UBE2Q1: variants seen among roughly 807,000 people sequenced by gnomAD.
UBE2Q1 encodes the protein ubiquitin-conjugating enzyme E2 Q1.
UBE2Q1 carries 6 observed loss-of-function variants against 60.1 expected under a neutral mutation model. The ratio of observed to expected loss-of-function variants is 0.10; its 90% CI spans 0.05 to 0.20. The LOEUF is 0.20. UBE2Q1 is among the 10% of genes least tolerant of loss of function. UBE2Q1 has a pLI of 1.00. For missense variants in UBE2Q1, 262 were observed against 525.8 expected, an observed-to-expected ratio of 0.50 and a Z score of 4.91; for synonymous variants, 226 against 208.3, an observed-to-expected ratio of 1.09 and a Z score of -0.73.
rs996544511 is a variant in UBE2Q1 at position 154,558,380 on chromosome 1, G to C, written c.174C>G (p.Arg58=). The change falls in exon 1 of 13, where the codon CGC becomes CGG. Residue 58 remains arginine (R), a synonymous_variant. Coordinates refer to ENST00000292211, the MANE Select transcript of UBE2Q1 (RefSeq NM_017582.7). ...LESIFHRGHE[R]FRIASACLDE... ...CCAGGCAGGCGCTGGCAATGCGGAAGCGCTCGTGGCCGCGGTGGAAGATGG... is the reference window on the plus strand; with the variant it reads ...CCAGGCAGGCGCTGGCAATGCGGAACCGCTCGTGGCCGCGGTGGAAGATGG... 5.2e-6 allele frequency: 8 copies of C among 1,540,004 alleles called. No individual in the cohort carries two copies. The East Asian group carries it at 2.0e-4, about 39-fold the overall frequency.
rs1225993830 is a variant in UBE2Q1, at chr1:154,558,498, C to T, written c.56G>A (p.Gly19Glu). 1 of 1,212,094 alleles carries T rather than the reference C, an allele frequency of 8.3e-7. No individual in the cohort carries two copies. The highest frequency in any genetic ancestry group is 3.7e-5 in the East Asian group (1 of 26,882). The allele number at this position is 1,212,094 out of a possible 1,614,324, so 75.1% of individuals were successfully genotyped here. A position where few individuals can be genotyped will look rare whatever the true frequency, so the allele number is the denominator to read the frequency against. Residue 19 changes from glycine (G) to glutamate (E), a missense_variant, in exon 1 of 13, where the codon GGG (glycine) becomes GAG (glutamate). By Grantham distance (98) the Gly-to-Glu change is moderately conservative (BLOSUM62 -2). Around this residue, in one of 5 missense-constraint regions of UBE2Q1, gnomAD observed 70 missense variants for 56.7 expected, o/e 1.24. Coordinates refer to ENST00000292211, the MANE Select transcript of UBE2Q1 (RefSeq NM_017582.7). Reference sequence around the variant, plus strand: ...GGCCCCCGGCGCCGCCCCCTGGCCCCCCAGCTGCTGCCCCGGCCCCGGCTG... The same window carrying T: ...GGCCCCCGGCGCCGCCCCCTGGCCCTCCAGCTGCTGCCCCGGCCCCGGCTG... Reference protein sequence around the residue: ...QQQPGPGQQLGGQGAAPGAGG... With the variant: ...QQQPGPGQQLEGQGAAPGAGG...
chr1:154,550,227 G>T lies in UBE2Q1; in HGVS notation c.*211C>A. On this transcript the variant is annotated 3_prime_UTR_variant, in exon 13 of 13. Coordinates refer to ENST00000292211, the MANE Select transcript of UBE2Q1 (RefSeq NM_017582.7). ...TTCCAGCAAGGTGGTTGGTTGGTCT[G>T]TAAGTCAGTCTTGAGTACTTGAAAC... is the stretch of plus-strand genomic sequence containing the variant. 1.6e-6 allele frequency: 1 copy of T among 640,950 alleles called. No homozygotes were observed. The highest frequency in any genetic ancestry group is 3.1e-5 in the Admixed American group (1 of 32,012). 39.7% of individuals were successfully genotyped at this position (640,950 alleles called of 1,614,324 possible). A position where few individuals can be genotyped will look rare whatever the true frequency, so the allele number is the denominator to read the frequency against.
chr1:154,557,669 G>A (rs1254675430), intron 1 of UBE2Q1, among the ~76,000 whole-genome samples: 1 of 152,212 alleles, frequency 6.6e-6, no homozygotes, highest in Non-Finnish European at 1.5e-5. Context: ...CCAAAGGAGA[G>A]AAGGAAGAGG....
rs1695762058 is a variant in UBE2Q1 at position 154,549,825 on chromosome 1, G to T, written c.*613C>A. ...AGAAATCTAGGGGCAGACCAGGTGT[G>T]TGCTTCAGCTCCAAGTTTCTCTTGC... On this transcript the variant is annotated 3_prime_UTR_variant, in exon 13 of 13. Coordinates refer to ENST00000292211, the MANE Select transcript of UBE2Q1 (RefSeq NM_017582.7). 1 of 152,558 alleles carries T rather than the reference G, an allele frequency of 6.6e-6. No individual in the cohort carries two copies. 9.5% of individuals were successfully genotyped at this position (152,558 alleles called of 1,614,324 possible). A position where few individuals can be genotyped will look rare whatever the true frequency, so the allele number is the denominator to read the frequency against.
rs1361933000 is a variant in UBE2Q1, at chr1:154,558,623, G to A, written c.-70C>T. On this transcript the variant is annotated 5_prime_UTR_variant, in exon 1 of 13. Coordinates refer to ENST00000292211, the MANE Select transcript of UBE2Q1 (RefSeq NM_017582.7). ...GGCCTGCGCTCCGGGCTCCGCCGCC[G>A]CCGCCGCCGCCGCCGCCGCCGCCGC... 5.2e-6 allele frequency: 5 copies of A among 969,764 alleles called. No individual in the cohort carries two copies. The African/African-American group carries it at 8.6e-5, about 17-fold the overall frequency. 60.1% of individuals were successfully genotyped at this position (969,764 alleles called of 1,614,324 possible). A position where few individuals can be genotyped will look rare whatever the true frequency, so the allele number is the denominator to read the frequency against.
chr1:154,550,681 A>G (rs1340711396), intron 12 of UBE2Q1: 10 of 985,384 alleles, frequency 1.0e-5, no homozygotes, highest in Non-Finnish European at 1.1e-5. Context: ...TGGGAGAGTT[A>G]GATGAGCTTT....
At chr1:154,550,860 G>A (rs1571006588) in intron 12 of UBE2Q1, 78 bp downstream of exon 12, 2 of 1,611,808 alleles carry the variant, frequency 1.2e-6, no homozygotes, top group Non-Finnish European at 1.7e-6. Flanking sequence ...AAAAGAAGGG[G>A]TTCTTGCTCT....
Position 154,551,602 on chromosome 1 carries a change from G to GC in UBE2Q1, c.1075-111dup, listed in dbSNP as rs566548979. Reference sequence around the variant, plus strand: ...GTCTATAGGAGGGCCCTTGCCCTTTGCCCCCAGCACTGCCACCACCTGTCT... The same window carrying GC: ...GTCTATAGGAGGGCCCTTGCCCTTTGCCCCCCAGCACTGCCACCACCTGTCT... On this transcript the variant is annotated intron_variant, in intron 10 of 12. Coordinates refer to ENST00000292211, the MANE Select transcript of UBE2Q1 (RefSeq NM_017582.7). 118 of 1,448,910 alleles carry GC rather than the reference G, an allele frequency of 8.1e-5. No individual in the cohort carries two copies. The East Asian group carries it at 2.3e-3, about 29-fold the overall frequency. 89.8% of individuals were successfully genotyped at this position (1,448,910 alleles called of 1,614,324 possible).
chr1:154,552,540 A>G (rs751863612), intron 6 of UBE2Q1, 76 bp from the exon 7 acceptor site: 51 of 1,558,214 alleles, frequency 3.3e-5, no homozygotes, highest in Non-Finnish European at 4.4e-5. Context: ...CCCCTTTCCC[A>G]GACTGAGAGA....
intron 4 of UBE2Q1, 42 bp downstream of exon 4, chr1:154,554,693 G>C: frequency 1.2e-6 from 2 of 1,605,464 alleles, no homozygotes; most frequent in Non-Finnish European, 1.7e-6. Flanking sequence ...GTTGCTGACT[G>C]CAAGAGCTTC....
chr1:154,555,730 C>T (rs1571010562), intron 2 of UBE2Q1, 130 bp downstream of exon 2: 3 of 947,264 alleles, frequency 3.2e-6, no homozygotes, highest in Non-Finnish European at 4.8e-6. Context: ...CAGTAAGCAA[C>T]TCCCCCGAGA....
Position 154,551,824 on chromosome 1 carries a change from A to AT in UBE2Q1, c.1026-6dup. 6.2e-7 allele frequency: 1 copy of AT among 1,614,236 alleles called. No individual in the cohort carries two copies. The highest frequency in any genetic ancestry group is 8.5e-7 in the Non-Finnish European group (1 of 1,180,030). Reference sequence around the variant, plus strand: ...GCCCCTCCGCCCAGAACATACCTGCATGAGAAAGGTTAGTCAGCTGTGCCT... The same window carrying AT: ...GCCCCTCCGCCCAGAACATACCTGCATTGAGAAAGGTTAGTCAGCTGTGCCT... On this transcript the variant is annotated splice_region_variant and splice_polypyrimidine_tract_variant and intron_variant, in intron 9 of 12. Transcript: ENST00000292211.
Position 154,554,716 on chromosome 1 carries a change from C to A in UBE2Q1, c.588+19G>T. The A allele has an allele frequency of 6.2e-7, 1 of 1,612,918 alleles. No individual in the cohort carries two copies. Among genetic ancestry groups the A allele is most frequent in the Non-Finnish European group, 8.5e-7 (1 of 1,179,124 alleles). On this transcript the variant is annotated intron_variant, in intron 4 of 12. Coordinates refer to ENST00000292211, the MANE Select transcript of UBE2Q1 (RefSeq NM_017582.7). Reference sequence around the variant, plus strand: ...CTGCAAGAGCTTCCAGCCAATGCCACCTCAGGGGGCAAGCCTACCTCAGGC... The same window carrying A: ...CTGCAAGAGCTTCCAGCCAATGCCAACTCAGGGGGCAAGCCTACCTCAGGC...
intron 5 of UBE2Q1, 91 bp downstream of exon 5, chr1:154,552,941 G>A: frequency 6.3e-7 from 1 of 1,590,814 alleles, no homozygotes; most frequent in South Asian, 1.1e-5. Flanking sequence ...CAAAAAAGGA[G>A]TCTGCTCTCC....
At chr1:154,551,134 T>A in intron 11 of UBE2Q1, 130 bp from the exon 12 acceptor site, 1 of 1,086,152 alleles carries the variant, frequency 9.2e-7, no homozygotes, top group Non-Finnish European at 1.4e-6. Context: ...AAACACTAAG[T>A]ACCCTCCACC....
Position 154,555,412 on chromosome 1 carries a change from C to A in UBE2Q1, c.537+16G>T. ...CAACTCTGCACAACAGGGCCCGAGG[C>A]TCCTCAGCTGCTCACCTGCTCTGCT... is the stretch of plus-strand genomic sequence containing the variant. On this transcript the variant is annotated intron_variant, in intron 3 of 12. Transcript: ENST00000292211. 6.2e-7 allele frequency: 1 copy of A among 1,611,540 alleles called. No individual in the cohort carries two copies. The highest frequency in any genetic ancestry group is 8.5e-7 in the Non-Finnish European group (1 of 1,177,888).
At chr1:154,554,636 T>C in intron 4 of UBE2Q1, 99 bp downstream of exon 4, 1 of 1,250,948 alleles carries the variant, frequency 8.0e-7, no homozygotes, top group South Asian at 1.4e-5. Flanking sequence ...CCTTTGATAT[T>C]TTTCTCTCTC....
At chr1:154,552,322 G>T in intron 7 of UBE2Q1, 82 bp downstream of exon 7, 1 of 1,596,324 alleles carries the variant, frequency 6.3e-7, no homozygotes. Context: ...ATGCTGGATG[G>T]GGCTGCCCTG....
chr1:154,550,292 C>T lies in UBE2Q1; in HGVS notation c.*146G>A. On this transcript the variant is annotated 3_prime_UTR_variant, in exon 13 of 13. Transcript: ENST00000292211. ...TTTTTTTCCTTAGCGTTTAGAATAG[C>T]CATCATTGTCCTGCAATAGGCAGAG... is the stretch of plus-strand genomic sequence containing the variant. The T allele has an allele frequency of 1.9e-6, 2 of 1,055,762 alleles. No individual in the cohort carries two copies. Among genetic ancestry groups the T allele is most frequent in the Non-Finnish European group, 2.8e-6 (2 of 708,328 alleles). The allele number at this position is 1,055,762 out of a possible 1,614,324, so 65.4% of individuals were successfully genotyped here.
Sources: allele counts gnomAD v4.1 joint callset (sites outside exome capture counted in the v4.1 genomes callset), GRCh38; gene constraint gnomAD v4.1.1; regional missense constraint gnomAD v4.1.1; transcripts MANE v1.5; gene names NCBI Gene and HGNC (gene_info 2026-07-23, HGNC 2026-07-21).